The following SGIP1 variants were observed in gnomAD, a reference collection of about 807,000 sequenced individuals.
SGIP1 encodes SH3-containing GRB2-like protein 3-interacting protein 1.
Under a neutral mutation model 107.5 loss-of-function variants are expected in SGIP1, and 38 were observed. That is an observed-to-expected ratio of 0.35 (90% CI 0.27 to 0.46). The LOEUF is 0.46. Ranked by LOEUF, SGIP1 falls within the 20% of genes least tolerant of loss-of-function variation. The pLI is 1.00. For missense variants in SGIP1, 929 were observed against 1,019.5 expected, an observed-to-expected ratio of 0.91 and a Z score of 1.21; for synonymous variants, 365 against 366.1, an observed-to-expected ratio of 1.00 and a Z score of 0.03.
intron 18 of SGIP1, 113 bp from the exon 19 acceptor site, chr1:66,719,181 T>C (rs1557742257): frequency 3.2e-6 from 2 of 619,304 alleles, no homozygotes; most frequent in Non-Finnish European, 5.6e-6. Flanking sequence ...GCACATTTTG[T>C]TTTACATTAA....
intron 2 of SGIP1, among the ~76,000 whole-genome samples, chr1:66,632,546 A>G (rs1042956595): frequency 2.0e-5 from 3 of 152,208 alleles, no homozygotes; most frequent in African/African-American, 7.2e-5. Flanking sequence ...AGGCTGGAGC[A>G]GAGGTTCGCT....
At chr1:66,622,285 T>G (rs1218586979) in intron 1 of SGIP1, among the ~76,000 whole-genome samples, 1 of 152,166 alleles carries the variant, frequency 6.6e-6, no homozygotes, top group African/African-American at 2.4e-5. Context: ...AAATACCACC[T>G]ACTTTTTCAC....
At chr1:66,713,545 A>G (rs571267478) in intron 18 of SGIP1, among the ~76,000 whole-genome samples, 1 of 152,284 alleles carries the variant, frequency 6.6e-6, no homozygotes, top group South Asian at 2.1e-4. Flanking sequence ...AATTCTTTGT[A>G]AATTATTATT....
At chr1:66,692,683 A>G (rs1359408308) in intron 17 of SGIP1, among the ~76,000 whole-genome samples, 2 of 152,222 alleles carry the variant, frequency 1.3e-5, no homozygotes, top group Non-Finnish European at 1.5e-5. Context: ...TGGTAGCTCA[A>G]CATTTCCCTC....
At chr1:66,539,393 T>C (rs2054361707) in intron 1 of SGIP1, among the ~76,000 whole-genome samples, 2 of 152,184 alleles carry the variant, frequency 1.3e-5, no homozygotes, top group South Asian at 4.1e-4. Flanking sequence ...GAAGTGTATT[T>C]AGACTTGGGA....
At chr1:66,643,815 G>A (rs1459206655) in intron 7 of SGIP1, 96 bp downstream of exon 7, 37 of 1,140,154 alleles carry the variant, frequency 3.2e-5, no homozygotes, top group Middle Eastern at 2.0e-4. Context: ...TCCTTAAATT[G>A]AAGCCTGCAT....
chr1:66,643,681 G>A lies in SGIP1; in HGVS notation c.421G>A (p.Ala141Thr). 4 of 1,611,330 alleles carry A rather than the reference G, an allele frequency of 2.5e-6. No homozygotes were observed. Among genetic ancestry groups the A allele is most frequent in the Admixed American group, 3.4e-5 (2 of 59,410 alleles). ...TGCTGCAACTGTAGATGAATTGAAG[G>A]CATCAATAGGCAACATCGCACTTTC... Reference protein sequence around the residue: ...KNAATVDELKASIGNIALSPS... With the variant: ...KNAATVDELKTSIGNIALSPS... Residue 141 changes from alanine to threonine, a missense_variant, in exon 7 of 25, where the codon GCA (alanine) becomes ACA (threonine). Physicochemically the swap from Ala to Thr is moderately conservative, Grantham distance 58. Coordinates refer to ENST00000371037, the MANE Select transcript of SGIP1 (RefSeq NM_032291.4).
At chr1:66,687,723 C>T (rs1417160561) in intron 15 of SGIP1, among the ~76,000 whole-genome samples, 1 of 152,172 alleles carries the variant, frequency 6.6e-6, no homozygotes, top group Non-Finnish European at 1.5e-5. Context: ...CAAAGCTTAT[C>T]AGGGGAATAA....
chr1:66,645,942 G>A (rs1159177069), intron 7 of SGIP1, among the ~76,000 whole-genome samples: 2 of 152,154 alleles, frequency 1.3e-5, no homozygotes, highest in African/African-American at 4.8e-5. Flanking sequence ...ACGGGTTCAA[G>A]TGAGTCTCTT....
intron 8 of SGIP1, among the ~76,000 whole-genome samples, chr1:66,664,709 G>C (rs970180085): frequency 2.0e-5 from 3 of 152,142 alleles, no homozygotes; most frequent in Non-Finnish European, 4.4e-5. Flanking sequence ...CAAACTCCTA[G>C]CTTTCTTTGT....
intron 23 of SGIP1, 148 bp downstream of exon 23, chr1:66,740,870 C>A: frequency 1.6e-6 from 1 of 614,800 alleles, no homozygotes. Context: ...TTAATAAAAG[C>A]AAATAATTCT....
At chr1:66,576,343 G>A (rs1412879534) in intron 1 of SGIP1, among the ~76,000 whole-genome samples, 1 of 152,184 alleles carries the variant, frequency 6.6e-6, no homozygotes, top group East Asian at 1.9e-4. Flanking sequence ...TAGTTGAACA[G>A]TGTAATGTGG....
chr1:66,624,299 C>A (rs2072035396), intron 1 of SGIP1, among the ~76,000 whole-genome samples: 1 of 151,838 alleles, frequency 6.6e-6, no homozygotes, highest in Non-Finnish European at 1.5e-5. Context: ...GGGAATAAGA[C>A]AATTAGAGGT....
chr1:66,534,911 G>T (rs1159942286), intron 1 of SGIP1, among the ~76,000 whole-genome samples: 6 of 152,172 alleles, frequency 3.9e-5, no homozygotes, highest in African/African-American at 1.4e-4. Flanking sequence ...AACTGTAGTT[G>T]TATGAGAATG....
intron 1 of SGIP1, among the ~76,000 whole-genome samples, chr1:66,568,028 T>C (rs1444769532): frequency 3.9e-5 from 6 of 152,102 alleles, no homozygotes; most frequent in African/African-American, 1.4e-4. Flanking sequence ...TAGTTTTTTC[T>C]GATTCTGTGA....
At position 66,683,729 on chromosome 1, in the gene SGIP1, G is replaced by A. The variant is rs561918840; in HGVS notation, c.1315+1360G>A. Among the ~76,000 whole-genome samples, 71 of 13,024 alleles carry A rather than the reference G, an allele frequency of 5.5e-3. 1 individual carries two copies. The highest frequency in any genetic ancestry group is 0.013 in the African/African-American group (69 of 5,366). 8.5% of individuals were successfully genotyped at this position (13,024 alleles called of 152,430 possible). A position where few individuals can be genotyped will look rare whatever the true frequency, so the allele number is the denominator to read the frequency against. On this transcript the variant is annotated intron_variant, in intron 15 of 24. Coordinates refer to ENST00000371037, the MANE Select transcript of SGIP1 (RefSeq NM_032291.4). ...TTTTTTTTTTTTTTTTTTTTTTTTT[G>A]ACAAGGTCTTGCTCTGATGCCCAGG...
At chr1:66,618,105 C>T (rs1558087092) in intron 1 of SGIP1, among the ~76,000 whole-genome samples, 1 of 152,192 alleles carries the variant, frequency 6.6e-6, no homozygotes, top group Admixed American at 6.5e-5. Flanking sequence ...CCTGAAACAT[C>T]ACAACTACTC....
intron 21 of SGIP1, among the ~76,000 whole-genome samples, chr1:66,736,033 G>T (rs1463865791): frequency 1.3e-5 from 2 of 149,996 alleles, no homozygotes; most frequent in Admixed American, 6.7e-5. Context: ...ATCAAATGCT[G>T]GTTCTGAATT....
chr1:66,597,981 A>G (rs190553955), intron 1 of SGIP1, among the ~76,000 whole-genome samples: 3 of 152,248 alleles, frequency 2.0e-5, no homozygotes, highest in East Asian at 1.9e-4. Context: ...TTAAAGTCCT[A>G]TATAGTTCAA....
Sources: gnomAD v4.1 joint callset for allele counts (sites outside exome capture counted in the v4.1 genomes callset) on GRCh38, gnomAD v4.1.1 for gene constraint, MANE v1.5 for transcripts, NCBI Gene and HGNC (gene_info 2026-07-23, HGNC 2026-07-21) for gene names.